Variants in HVCN1 observed in about 807,000 individuals in gnomAD.
The protein encoded by HVCN1 is voltage-gated hydrogen channel 1.
A neutral mutation model predicts 29.2 loss-of-function variants in HVCN1; 14 were observed. The observed-to-expected ratio is 0.48, with a 90% CI of 0.32 to 0.75. HVCN1 has a LOEUF of 0.75. HVCN1 is among the 30% of genes least tolerant of loss of function. The pLI, the probability that HVCN1 is intolerant of heterozygous loss-of-function variation, is 0.04. For missense variants in HVCN1, 263 were observed against 341.8 expected (o/e 0.77, Z 1.82); for synonymous variants, 131 against 133.2 (o/e 0.98, Z 0.11).
chr12:110,698,315 A>G (rs972297176), intron 2 of HVCN1, among the ~76,000 whole-genome samples: 2 of 152,164 alleles, frequency 1.3e-5, no homozygotes, highest in Admixed American at 6.5e-5. Context: ...TGTCTGTTGA[A>G]GTCGGTGAGA....
In HVCN1 at chr12:110,661,782, G is replaced by A. The variant is rs1448659492; in HGVS notation, c.22-334C>T. Among the ~76,000 whole-genome samples the A allele has an allele frequency of 6.6e-6, 1 of 152,176 alleles. No homozygotes were observed. Among genetic ancestry groups the A allele is most frequent in the Non-Finnish European group, 1.5e-5 (1 of 68,034 alleles). ...ACCGGAAGGGCGGCCCCAAGGTTCA[G>A]AGACATCACAACCTGGAAACTGGAG... On this transcript the variant is annotated intron_variant, in intron 3 of 7. Coordinates refer to ENST00000242607, the MANE Select transcript of HVCN1 (RefSeq NM_032369.4). The surrounding 1 kb of genome is among the most constrained non-coding windows in gnomAD (Gnocchi z 6.2).
chr12:110,685,963 T>C (rs117490786), intron 2 of HVCN1, among the ~76,000 whole-genome samples: 1 of 152,012 alleles, frequency 6.6e-6, no homozygotes, highest in Non-Finnish European at 1.5e-5. Flanking sequence ...ATAATAGGCA[T>C]GAGCCATTGC....
chr12:110,686,630 TCA>T (rs1208793631), intron 2 of HVCN1, among the ~76,000 whole-genome samples: 3 of 152,178 alleles, frequency 2.0e-5, no homozygotes, highest in African/African-American at 4.8e-5. Flanking sequence ...ACACTCAGCT[TCA>T]GCAATTCAAG....
chr12:110,649,605 G>A, intron 7 of HVCN1, 130 bp from the exon 8 acceptor site: 1 of 708,396 alleles, frequency 1.4e-6, no homozygotes, highest in East Asian at 2.7e-5. Context: ...GTGGCATTCA[G>A]TCTGCTGAGG....
At chr12:110,700,464 G>A (rs1440008930) in intron 2 of HVCN1, among the ~76,000 whole-genome samples, 1 of 152,162 alleles carries the variant, frequency 6.6e-6, no homozygotes, top group South Asian at 2.1e-4. Flanking sequence ...AGTTGTAGAA[G>A]AGTGAGTATC....
Position 110,699,052 on chromosome 12 carries a change from C to T in HVCN1, c.-104+3257G>A, listed in dbSNP as rs527591036. 3.9e-5 allele frequency among the ~76,000 whole-genome samples: 6 copies of T among 152,322 alleles called. No individual in the cohort carries two copies. The East Asian group carries it at 5.8e-4, about 15-fold the overall frequency. On this transcript the variant is annotated intron_variant, in intron 2 of 4. Transcript: ENST00000546713. ...CTGAGGCAGAAGAATCACGTGAACCCGGGAGGTGGAGGTTGCAGTGAGCTG... is the reference window on the plus strand; with the variant it reads ...CTGAGGCAGAAGAATCACGTGAACCTGGGAGGTGGAGGTTGCAGTGAGCTG...
intron 3 of HVCN1, among the ~76,000 whole-genome samples, chr12:110,664,767 G>A (rs1473915635): frequency 6.6e-6 from 1 of 152,170 alleles, no homozygotes; most frequent in Non-Finnish European, 1.5e-5. Context: ...CAGAGGAGGA[G>A]ACCCCAAAAT....
intron 2 of HVCN1, among the ~76,000 whole-genome samples, chr12:110,683,554 A>G (rs140673433): frequency 5.3e-5 from 8 of 152,372 alleles, no homozygotes; most frequent in African/African-American, 1.4e-4. Context: ...TTGTCCATCA[A>G]TGGATGAATG....
intron 3 of HVCN1, among the ~76,000 whole-genome samples, chr12:110,666,469 A>T (rs1050794700): frequency 2.0e-5 from 3 of 152,130 alleles, no homozygotes; most frequent in African/African-American, 7.2e-5. Context: ...GAACTTAAAG[A>T]CAGGGCAATA....
At chr12:110,700,941 G>A (rs552566034) in intron 2 of HVCN1, among the ~76,000 whole-genome samples, 2 of 152,318 alleles carry the variant, frequency 1.3e-5, no homozygotes, top group Admixed American at 1.3e-4. Flanking sequence ...ACTCCAGCTG[G>A]AACTCTTAGT....
chr12:110,652,333 G>C (rs1453177725), intron 5 of HVCN1, among the ~76,000 whole-genome samples: 1 of 152,216 alleles, frequency 6.6e-6, no homozygotes, highest in Non-Finnish European at 1.5e-5. Flanking sequence ...AGAGGTTGCA[G>C]TGAGCCGAGA....
upstream of HVCN1, among the ~76,000 whole-genome samples, chr12:110,690,172 G>T (rs2069372357): frequency 2.0e-5 from 3 of 152,214 alleles, no homozygotes; most frequent in Non-Finnish European, 4.4e-5. Context: ...GGCTGGAGAG[G>T]TGCCTGTGAT....
chr12:110,701,753 A>C (rs1374920042), intron 2 of HVCN1, among the ~76,000 whole-genome samples: 2 of 151,536 alleles, frequency 1.3e-5, no homozygotes, highest in African/African-American at 4.8e-5. Context: ...GCTACTGGGG[A>C]GGCTGAGGCA....
upstream of HVCN1, among the ~76,000 whole-genome samples, chr12:110,693,983 G>A (rs903811952): frequency 6.6e-6 from 1 of 152,074 alleles, no homozygotes; most frequent in Non-Finnish European, 1.5e-5. Context: ...CCCCACCCCC[G>A]GTCCTCCGCA....
intron 4 of HVCN1, among the ~76,000 whole-genome samples, chr12:110,660,000 T>C (rs1047448200): frequency 4.0e-5 from 6 of 150,926 alleles, no homozygotes; most frequent in Non-Finnish European, 7.4e-5. Context: ...GAAGCAGAGG[T>C]TGCAGTGAGC....
At position 110,655,258 on chromosome 12, in the gene HVCN1, G is replaced by C. The variant is rs759857412; in HGVS notation, c.387C>G (p.Pro129=). The change falls in exon 5 of 8, where the codon CCC becomes CCG. Residue 129 remains proline (P), a synonymous_variant. Transcript: ENST00000242607. ...ELILDLKIIQ[P]DKNNYAAMVF... ...CCATGGCAGCATAGTTATTCTTGTC[G>C]GGCTGGATGATCTTCAGGTCCAGGA... is the stretch of plus-strand genomic sequence containing the variant. The C allele has an allele frequency of 6.2e-7, 1 of 1,613,442 alleles. No homozygotes were observed. The highest frequency in any genetic ancestry group is 1.1e-5 in the South Asian group (1 of 91,036).
chr12:110,672,924 G>A (rs2068632064), intron 3 of HVCN1, among the ~76,000 whole-genome samples: 1 of 152,144 alleles, frequency 6.6e-6, no homozygotes, highest in Non-Finnish European at 1.5e-5. Context: ...TTTCTTCCCA[G>A]TCTCAGGTGC....
chr12:110,702,657 A>ATT (rs753012773), intron 1 of HVCN1, among the ~76,000 whole-genome samples: 1 of 92,400 alleles, frequency 1.1e-5, no homozygotes. Flanking sequence ...TAATTTTTGT[A>ATT]TTTTTTTTTT....
intron 5 of HVCN1, among the ~76,000 whole-genome samples, chr12:110,654,626 A>G (rs1489772295): frequency 1.3e-5 from 2 of 151,816 alleles, no homozygotes; most frequent in African/African-American, 2.4e-5. Context: ...TTACAGGCGC[A>G]TGCCACCACG....
Sources: allele counts gnomAD v4.1 joint callset (sites outside exome capture counted in the v4.1 genomes callset), GRCh38; gene constraint gnomAD v4.1.1; non-coding constraint Gnocchi (gnomAD v3.1); transcripts MANE v1.5; gene names NCBI Gene and HGNC (gene_info 2026-07-23, HGNC 2026-07-21).